Variants in ATP2A3 observed in about 807,000 individuals in gnomAD.
ATP2A3 encodes the protein ATPase sarcoplasmic/endoplasmic reticulum Ca2+ transporting 3, also known as sarcoplasmic/endoplasmic reticulum calcium ATPase 3.
Under a neutral mutation model 106.8 loss-of-function variants are expected in ATP2A3, and 61 were observed. That is an observed-to-expected ratio of 0.57 (90% CI 0.46 to 0.71). ATP2A3 has a LOEUF of 0.71. ATP2A3 is among the 30% of genes least tolerant of loss of function. The probability of loss-of-function intolerance (pLI) is 0.00; values close to 1 mark genes in which losing one functional copy is unlikely to be tolerated. For missense variants in ATP2A3, 1,201 were observed against 1,423.5 expected, an observed-to-expected ratio of 0.84 and a Z score of 2.52; for synonymous variants, 611 against 609.3, an observed-to-expected ratio of 1.00 and a Z score of -0.04.
chr17:3,936,434 G>T lies in ATP2A3; in HGVS notation c.2357C>A (p.Ala786Asp), dbSNP rs745684758. The T allele has an allele frequency of 1.9e-6, 3 of 1,614,024 alleles. No individual in the cohort carries two copies. Among genetic ancestry groups the T allele is most frequent in the Non-Finnish European group, 2.5e-6 (3 of 1,180,050 alleles). Reference protein sequence around the residue: ...FLTAILGLPEALIPVQLLWVN... With the variant: ...FLTAILGLPEDLIPVQLLWVN... ...CCAGAGCAGCTGCACAGGGATCAGG[G>T]CTTCGGGCAGGCCCAGAATTGCCGT... The change falls in exon 16 of 21, where the codon GCC becomes GAC. Residue 786 changes from alanine (A) to aspartate (D), a missense_variant. Coordinates refer to ENST00000397041, the MANE Select transcript of ATP2A3 (RefSeq NM_005173.4). The surrounding 1 kb of genome is among the most constrained non-coding windows in gnomAD (Gnocchi z 5.4).
chr17:3,954,050 A>C (rs758418723), intron 1 of ATP2A3, among the ~76,000 whole-genome samples: 1 of 151,502 alleles, frequency 6.6e-6, no homozygotes, highest in South Asian at 2.1e-4. Context: ...GAAAACAGAC[A>C]CTTCCCCCAC....
In ATP2A3 at chr17:3,950,602, C is replaced by A. The variant is rs915667437; in HGVS notation, c.545-6G>T. The A allele has an allele frequency of 3.7e-6, 6 of 1,613,980 alleles. No individual in the cohort carries two copies. Among genetic ancestry groups the A allele is most frequent in the Non-Finnish European group, 4.2e-6 (5 of 1,180,002 alleles). ...GGTCACGGACACAGATTCACCTGGT[C>A]AGGGAATCAGAGATGAGAAGCCCCA... is the stretch of plus-strand genomic sequence containing the variant. On this transcript the variant is annotated splice_region_variant and splice_polypyrimidine_tract_variant and intron_variant, in intron 6 of 20. Coordinates refer to ENST00000397041, the MANE Select transcript of ATP2A3 (RefSeq NM_005173.4).
intron 10 of ATP2A3, 114 bp downstream of exon 10, chr17:3,944,590 G>T: frequency 9.6e-7 from 1 of 1,047,010 alleles, no homozygotes; most frequent in Non-Finnish European, 1.5e-6. Context: ...TGCTCCCTGG[G>T]TGTGGCACTT....
chr17:3,940,584 T>C (rs1320661178), intron 14 of ATP2A3, among the ~76,000 whole-genome samples: 1 of 152,178 alleles, frequency 6.6e-6, no homozygotes, highest in Non-Finnish European at 1.5e-5. Context: ...CTCGGCTCAC[T>C]GCAACCTCTG....
chr17:3,934,998 T>C (rs1388236925), intron 17 of ATP2A3, 194 bp downstream of exon 17: 1 of 626,564 alleles, frequency 1.6e-6, no homozygotes, highest in East Asian at 2.8e-5. Flanking sequence ...CGCCTTTGGC[T>C]TGGGGGTCCG....
chr17:3,934,990 C>A, intron 17 of ATP2A3: 1 of 608,596 alleles, frequency 1.6e-6, no homozygotes. Flanking sequence ...TGGGGAGGCG[C>A]CTTTGGCTTG....
intron 14 of ATP2A3, among the ~76,000 whole-genome samples, chr17:3,938,450 G>A (rs752468901): frequency 1.3e-5 from 2 of 152,040 alleles, no homozygotes; most frequent in Non-Finnish European, 2.9e-5. Flanking sequence ...TTGAAGGCCA[G>A]ATCAAAGTTG....
chr17:3,941,522 G>A lies in ATP2A3; in HGVS notation c.1678C>T (p.Arg560Cys), dbSNP rs767573027. 6 of 1,613,770 alleles carry A rather than the reference G, an allele frequency of 3.7e-6. No homozygotes were observed. The highest frequency in any genetic ancestry group is 5.1e-6 in the Non-Finnish European group (6 of 1,179,930). ...RDWGSGSDTL[R>C]CLALATRDAP... ...TCCCGGGTGGCCAGTGCCAGGCAGC[G>A]CAGCGTGTCTGAGCCTGAGCCCCAA... Residue 560 changes from arginine (R) to cysteine (C), a missense_variant, in exon 13 of 21, where the codon CGC becomes TGC. Arg to Cys is a radical substitution (Grantham distance 180). Coordinates refer to ENST00000397041, the MANE Select transcript of ATP2A3 (RefSeq NM_005173.4).
rs1019639702 is a variant in ATP2A3, at chr17:3,924,836, G to A, written c.*586C>T. On this transcript the variant is annotated 3_prime_UTR_variant, in exon 21 of 21. Coordinates refer to ENST00000397041, the MANE Select transcript of ATP2A3 (RefSeq NM_005173.4). This position sits in a 1 kb window ranked among gnomAD's most constrained non-coding sequence, Gnocchi z 6.4. ...TAAACAGAAGCAGCCTCGAGCTCTC[G>A]GGAGCCGACTTTGTGGAAGCAGAGT... 12 of 456,626 alleles carry A rather than the reference G, an allele frequency of 2.6e-5. No homozygotes were observed. The highest frequency in any genetic ancestry group is 6.0e-5 in the African/African-American group (3 of 50,072). The allele number at this position is 456,626 out of a possible 1,614,324, so 28.3% of individuals were successfully genotyped here.
intron 14 of ATP2A3, among the ~76,000 whole-genome samples, chr17:3,939,786 T>C (rs1268232773): frequency 4.0e-5 from 2 of 50,492 alleles, no homozygotes; most frequent in Admixed American, 2.9e-4. Flanking sequence ...AGACTCTGTC[T>C]AAAAAAAAAA....
At position 3,940,954 on chromosome 17, in the gene ATP2A3, C is replaced by T. The variant is rs1188481254; in HGVS notation, c.2100+17G>A. On this transcript the variant is annotated intron_variant, in intron 14 of 20. Transcript: ENST00000397041. ...CCACTCATCACCCCCTCCTGGGGCTCCAGGCTGTGGCCTCACCATAGCAGT... is the reference window on the plus strand; with the variant it reads ...CCACTCATCACCCCCTCCTGGGGCTTCAGGCTGTGGCCTCACCATAGCAGT... 1 of 1,613,674 alleles carries T rather than the reference C, an allele frequency of 6.2e-7. No homozygotes were observed. Among genetic ancestry groups the T allele is most frequent in the African/African-American group, 1.3e-5 (1 of 74,926 alleles).
chr17:3,927,452 A>C, intron 20 of ATP2A3: 1 of 984,480 alleles, frequency 1.0e-6, no homozygotes, highest in Non-Finnish European at 1.2e-6. Context: ...GAGTGTGGTC[A>C]AGGACGGCCC....
At chr17:3,957,383 C>T (rs1366242151) in intron 1 of ATP2A3, among the ~76,000 whole-genome samples, 2 of 152,196 alleles carry the variant, frequency 1.3e-5, no homozygotes, top group Non-Finnish European at 2.9e-5. Context: ...CTTCCCTCCT[C>T]CACTCTCTTT....
chr17:3,924,976 G>T lies in ATP2A3; in HGVS notation c.*446C>A, dbSNP rs1017707888. ...GGCACGAAGAGAGAGGTCAGAGCCGGTAAGAAGGACCCCCAGAGTCCTCCG... is the reference window on the plus strand; with the variant it reads ...GGCACGAAGAGAGAGGTCAGAGCCGTTAAGAAGGACCCCCAGAGTCCTCCG... On this transcript the variant is annotated 3_prime_UTR_variant, in exon 21 of 21. Transcript: ENST00000397041. This position sits in a 1 kb window ranked among gnomAD's most constrained non-coding sequence, Gnocchi z 6.4. 8 of 387,546 alleles carry T rather than the reference G, an allele frequency of 2.1e-5. No homozygotes were observed. The highest frequency in any genetic ancestry group is 3.5e-5 in the Non-Finnish European group (7 of 197,268). 24.0% of individuals were successfully genotyped at this position (387,546 alleles called of 1,614,324 possible). A position where few individuals can be genotyped will look rare whatever the true frequency, so the allele number is the denominator to read the frequency against.
In ATP2A3 at chr17:3,941,124, C is replaced by T. The variant is rs765748864; in HGVS notation, c.1947G>A (p.Ala649=). 26 of 1,614,000 alleles carry T rather than the reference C, an allele frequency of 1.6e-5. No homozygotes were observed. Among genetic ancestry groups the T allele is most frequent in the East Asian group, 2.2e-5 (1 of 44,888 alleles). The change falls in exon 14 of 21, where the codon GCG becomes GCA. Residue 649 remains alanine (A), a synonymous_variant. Transcript: ENST00000397041. ...LGIFGDTEDV[A]GKAYTGREFD... ...ACTCGCGGCCCGTGTAGGCCTTGCC[C>T]GCCACGTCTTCCGTGTCCCCAAAGA...
In ATP2A3 at chr17:3,930,568, G is replaced by A. The variant is rs1438518423; in HGVS notation, c.2611-134C>T. 2 of 1,369,608 alleles carry A rather than the reference G, an allele frequency of 1.5e-6. No individual in the cohort carries two copies. Among genetic ancestry groups the A allele is most frequent in the Middle Eastern group, 2.1e-4 (1 of 4,656 alleles). The allele number at this position is 1,369,608 out of a possible 1,614,324, so 84.8% of individuals were successfully genotyped here. On this transcript the variant is annotated intron_variant, in intron 17 of 20. Coordinates refer to ENST00000397041, the MANE Select transcript of ATP2A3 (RefSeq NM_005173.4). The surrounding 1 kb of genome is among the most constrained non-coding windows in gnomAD (Gnocchi z 5.4). ...CACACAAAACACTGCCGTGGGGTGG[G>A]CTGGGGATCCCGGGAGGGGTGCGGG...
In ATP2A3 at chr17:3,964,145, C is replaced by CCCCGGCCCGG. The variant is rs1167990951; in HGVS notation, c.118+19_118+28dup. 4,718 of 1,105,682 alleles carry CCCCGGCCCGG rather than the reference C, an allele frequency of 4.3e-3. 10 individuals are homozygous for CCCCGGCCCGG. Among genetic ancestry groups the CCCCGGCCCGG allele is most frequent in the Non-Finnish European group, 4.6e-3 (4,187 of 903,194 alleles). The allele number at this position is 1,105,682 out of a possible 1,614,324, so 68.5% of individuals were successfully genotyped here. A position where few individuals can be genotyped will look rare whatever the true frequency, so the allele number is the denominator to read the frequency against. Reference sequence around the variant, plus strand: ...GACTGCGGCGCGCGCGGCCCCCGCTCCCCGGCCCGGCCCGGCCCGCGCGCT... The same window carrying CCCCGGCCCGG: ...GACTGCGGCGCGCGCGGCCCCCGCTCCCCGGCCCGGCCCGGCCCGGCCCGGCCCGCGCGCT... On this transcript the variant is annotated intron_variant, in intron 1 of 20. Coordinates refer to ENST00000397041, the MANE Select transcript of ATP2A3 (RefSeq NM_005173.4).
chr17:3,924,507 C>T lies in ATP2A3; in HGVS notation c.*915G>A, dbSNP rs540892880. The T allele has an allele frequency of 1.1e-3, 336 of 318,204 alleles. 10 individuals carry two copies. Among genetic ancestry groups the T allele is most frequent in the South Asian group, 7.4e-3 (308 of 41,528 alleles). 19.7% of individuals were successfully genotyped at this position (318,204 alleles called of 1,614,324 possible). On this transcript the variant is annotated 3_prime_UTR_variant, in exon 21 of 21. Coordinates refer to ENST00000397041, the MANE Select transcript of ATP2A3 (RefSeq NM_005173.4). The surrounding 1 kb of genome is among the most constrained non-coding windows in gnomAD (Gnocchi z 6.4). Reference sequence around the variant, plus strand: ...GCCCCCAGCTGTGCAGACAGCGCGGCGGCCGCACACTGGGCTGGGTAGAAG... The same window carrying T: ...GCCCCCAGCTGTGCAGACAGCGCGGTGGCCGCACACTGGGCTGGGTAGAAG...
intron 7 of ATP2A3, among the ~76,000 whole-genome samples, chr17:3,948,365 T>C (rs2054236279): frequency 6.6e-6 from 1 of 152,212 alleles, no homozygotes; most frequent in African/African-American, 2.4e-5. Flanking sequence ...TGGTGTCCTC[T>C]TCTGTAAAGT....
Sources: gnomAD v4.1 joint callset for allele counts (sites outside exome capture counted in the v4.1 genomes callset) on GRCh38, gnomAD v4.1.1 for gene constraint, Gnocchi (gnomAD v3.1) non-coding constraint, MANE v1.5 for transcripts, NCBI Gene and HGNC (gene_info 2026-07-23, HGNC 2026-07-21) for gene names.